WNK2: variants seen among roughly 807,000 people sequenced by gnomAD.
WNK2 encodes the protein WNK lysine deficient protein kinase 2.
A neutral mutation model predicts 192.1 loss-of-function variants in WNK2; 67 were observed. That is an observed-to-expected ratio of 0.35 (90% CI 0.29 to 0.43). The LOEUF (loss-of-function observed/expected upper bound fraction) is 0.43, where lower values mean the gene tolerates loss of function less well. Among genes scored for constraint, WNK2 ranks in the 20% least tolerant of loss-of-function variants. WNK2 has a pLI of 1.00. For synonymous variants in WNK2, 1,439 were observed against 1,393.9 expected, an observed-to-expected ratio of 1.03 and a Z score of -0.72; for missense variants, 2,698 against 3,089.7, an observed-to-expected ratio of 0.87 and a Z score of 3.01.
chr9:93,231,788 G>A (rs945430959), intron 4 of WNK2, among the ~76,000 whole-genome samples: 3 of 152,346 alleles, frequency 2.0e-5, no homozygotes, highest in Non-Finnish European at 4.4e-5. Flanking sequence ...GCGAGATGCC[G>A]TCGCCCCTAG....
At position 93,292,814 on chromosome 9, in the gene WNK2, C is replaced by T. The variant is rs376339913; in HGVS notation, c.5349C>T (p.Asp1783=). 67 of 1,534,366 alleles carry T rather than the reference C, an allele frequency of 4.4e-5. No homozygotes were observed. The highest frequency in any genetic ancestry group is 5.2e-5 in the Non-Finnish European group (59 of 1,139,746). The change falls in exon 23 of 30, where the codon GAC becomes GAT. Residue 1783 remains aspartate (D), a synonymous_variant. Coordinates refer to ENST00000427277, the MANE Select transcript of WNK2 (RefSeq NM_006648.4). ...VYLDEAPSSP[D]VKLAVRRAQT... ...TGGACGAGGCCCCCTCCAGCCCCGACGTGAAGCTGGCAGTGCGGCGGGCGC... is the reference window on the plus strand; with the variant it reads ...TGGACGAGGCCCCCTCCAGCCCCGATGTGAAGCTGGCAGTGCGGCGGGCGC...
At chr9:93,265,390 A>T (rs1321577490) in intron 16 of WNK2, among the ~76,000 whole-genome samples, 1 of 152,206 alleles carries the variant, frequency 6.6e-6, no homozygotes, top group Non-Finnish European at 1.5e-5. Context: ...GATGAGGAAT[A>T]TGGTCAGATA....
intron 9 of WNK2, among the ~76,000 whole-genome samples, chr9:93,254,870 G>T (rs1042545564): frequency 1.3e-5 from 2 of 152,164 alleles, no homozygotes; most frequent in Non-Finnish European, 2.9e-5. Context: ...TGGCTTTGAG[G>T]ATTGGCTGAA....
In WNK2 at chr9:93,292,388, G is replaced by A. The variant is rs140544829; in HGVS notation, c.5017G>A (p.Val1673Ile). The A allele has an allele frequency of 1.7e-5, 28 of 1,613,948 alleles. No individual in the cohort carries two copies. The highest frequency in any genetic ancestry group is 6.7e-5 in the East Asian group (3 of 44,870). ...CTCAGACTCCCATGTGGTCCCCAGC[G>A]TCCCCCAGGTAAGGGCGACTTGACG... ...VASDSHVVPS[V>I]PQDVPAFVRP... Residue 1673 changes from valine to isoleucine, a missense_variant, in exon 22 of 30, where the codon GTC (valine) becomes ATC (isoleucine). Val to Ile is a conservative substitution (Grantham distance 29). Around this residue, in one of 7 missense-constraint regions of WNK2, gnomAD observed 1,098 missense variants for 1,101.0 expected, o/e 1.00. Coordinates refer to ENST00000427277, the MANE Select transcript of WNK2 (RefSeq NM_006648.4).
rs538037307 is a variant in WNK2, at chr9:93,262,602, G to A, written c.3361-68G>A. ...AGTGGGGAGGGAGAGCTGACTATGC[G>A]TGGCTGTGCCCACAGGGAGGCGGGA... is the stretch of plus-strand genomic sequence containing the variant. On this transcript the variant is annotated intron_variant, in intron 13 of 29. Coordinates refer to ENST00000427277, the MANE Select transcript of WNK2 (RefSeq NM_006648.4). The A allele has an allele frequency of 5.3e-5, 83 of 1,560,606 alleles. No individual in the cohort carries two copies. The East Asian group carries it at 8.3e-4, about 16-fold the overall frequency.
chr9:93,275,063 A>T (rs62571743), intron 19 of WNK2, among the ~76,000 whole-genome samples: 3 of 5,076 alleles, frequency 5.9e-4, no homozygotes, highest in Admixed American at 9.1e-3. Flanking sequence ...ACTATATTAA[A>T]AGGACAGTGT....
chr9:93,259,097 C>T lies in WNK2; in HGVS notation c.2549C>T (p.Ala850Val), dbSNP rs766550880. The T allele has an allele frequency of 2.7e-5, 43 of 1,612,558 alleles. No individual in the cohort carries two copies. The highest frequency in any genetic ancestry group is 3.0e-5 in the Non-Finnish European group (35 of 1,179,612). ...LPSLAAPLPP[A>V]SPALPLQAVK... is the part of the protein sequence containing the mutation. ...AGCCTCGCTGCCCCACTCCCCCCTGCGTCCCCAGCCTTGCCTCTGCAGGCT... is the reference window on the plus strand; with the variant it reads ...AGCCTCGCTGCCCCACTCCCCCCTGTGTCCCCAGCCTTGCCTCTGCAGGCT... Residue 850 changes from alanine (A) to valine (V), a missense_variant, in exon 12 of 30, where the codon GCG (alanine) becomes GTG (valine). By Grantham distance (64) the Ala-to-Val change is moderately conservative. Transcript: ENST00000427277. This position sits in a 1 kb window ranked among gnomAD's most constrained non-coding sequence, Gnocchi z 4.8.
chr9:93,274,515 CAAAAAAAAAAAAAAA>C (rs67350876), intron 19 of WNK2, among the ~76,000 whole-genome samples: 2 of 118,400 alleles, frequency 1.7e-5, no homozygotes, highest in African/African-American at 3.4e-5. Context: ...CCGTCTCAAC[CAAAAAAAAAAAAAAA>C]AAAAAAAAGA....
chr9:93,237,841 G>A (rs1338767717), intron 5 of WNK2, among the ~76,000 whole-genome samples: 1 of 151,006 alleles, frequency 6.6e-6, no homozygotes, highest in Non-Finnish European at 1.5e-5. Flanking sequence ...GGACCAAGGT[G>A]CAGATACTTG....
chr9:93,286,444 G>A (rs1392147079), intron 19 of WNK2, among the ~76,000 whole-genome samples: 1 of 152,188 alleles, frequency 6.6e-6, no homozygotes, highest in Non-Finnish European at 1.5e-5. Flanking sequence ...TCAGGGAAAT[G>A]CAAATCAAAA....
At chr9:93,269,634 T>C (rs982892283) in intron 19 of WNK2, among the ~76,000 whole-genome samples, 1 of 152,212 alleles carries the variant, frequency 6.6e-6, no homozygotes, top group African/African-American at 2.4e-5. Flanking sequence ...GTTCGTATAT[T>C]ACTTCTGGAT....
intron 1 of WNK2, among the ~76,000 whole-genome samples, chr9:93,184,636 C>T (rs1366984268): frequency 6.6e-6 from 1 of 151,938 alleles, no homozygotes; most frequent in Non-Finnish European, 1.5e-5. Flanking sequence ...CCTCCGGGGC[C>T]CTCAGGGACA....
chr9:93,207,050 C>T (rs965233058), intron 2 of WNK2, among the ~76,000 whole-genome samples: 4 of 152,130 alleles, frequency 2.6e-5, no homozygotes, highest in African/African-American at 9.7e-5. Context: ...TGCCAGGCTT[C>T]CTTGGAGAGC....
At chr9:93,313,671 T>G (rs1243771334) in intron 28 of WNK2, among the ~76,000 whole-genome samples, 3 of 152,214 alleles carry the variant, frequency 2.0e-5, no homozygotes, top group Non-Finnish European at 4.4e-5. Context: ...TTCATATTCT[T>G]ATCAGCCGTC....
At chr9:93,209,477 C>T (rs1426990812) in intron 2 of WNK2, among the ~76,000 whole-genome samples, 1 of 152,234 alleles carries the variant, frequency 6.6e-6, no homozygotes, top group Non-Finnish European at 1.5e-5. Flanking sequence ...TCCCCTCTCC[C>T]TCACGTCCAA....
chr9:93,309,134 G>A (rs1400847820), intron 28 of WNK2: 4 of 985,962 alleles, frequency 4.1e-6, no homozygotes, highest in Non-Finnish European at 4.8e-6. Context: ...TTTCTGGAGG[G>A]GTTTGTGGAA....
chr9:93,319,199 T>G lies in WNK2; in HGVS notation c.6629-1168T>G, dbSNP rs1855218581. The G allele has an allele frequency of 1.9e-6, 3 of 1,612,994 alleles. No individual in the cohort carries two copies. In the African/African-American group the frequency reaches 4.0e-5, roughly 22 times the overall value. On this transcript the variant is annotated intron_variant, in intron 29 of 29. Transcript: ENST00000427277. Reference sequence around the variant, plus strand: ...TCTGAAGGAGAAAAATAAACACTTTTGCTCGAAAACAGTGTGAAACAACAT... The same window carrying G: ...TCTGAAGGAGAAAAATAAACACTTTGGCTCGAAAACAGTGTGAAACAACAT...
At chr9:93,277,159 AT>A (rs1847053646) in intron 19 of WNK2, among the ~76,000 whole-genome samples, 1 of 152,194 alleles carries the variant, frequency 6.6e-6, no homozygotes, top group Non-Finnish European at 1.5e-5. Flanking sequence ...GGAAATGCAA[AT>A]TAAAGCAGCC....
chr9:93,262,809 T>G, intron 14 of WNK2, 90 bp downstream of exon 14: 3 of 1,441,478 alleles, frequency 2.1e-6, no homozygotes, highest in South Asian at 2.3e-5. Context: ...CTGCTTCCCC[T>G]GGAACCCACT....
Sources: allele counts gnomAD v4.1 joint callset (sites outside exome capture counted in the v4.1 genomes callset), GRCh38; gene constraint gnomAD v4.1.1; regional missense constraint gnomAD v4.1.1; non-coding constraint Gnocchi (gnomAD v3.1); transcripts MANE v1.5; gene names NCBI Gene and HGNC (gene_info 2026-07-23, HGNC 2026-07-21).